PLA2R1: variants seen among roughly 807,000 people sequenced by gnomAD.
PLA2R1 encodes the protein phospholipase A2 receptor 1.
Under a neutral mutation model 195.9 loss-of-function variants are expected in PLA2R1, and 158 were observed. That is an observed-to-expected ratio of 0.81 (90% CI 0.71 to 0.92). The LOEUF is 0.92. Ranked by LOEUF, PLA2R1 falls within the 40% of genes least tolerant of loss-of-function variation. The probability of loss-of-function intolerance (pLI) is 0.00; values close to 1 mark genes in which losing one functional copy is unlikely to be tolerated. For synonymous variants in PLA2R1, 586 were observed against 598.2 expected, an observed-to-expected ratio of 0.98 and a Z score of 0.30; for missense variants, 1,626 against 1,764.6, an observed-to-expected ratio of 0.92 and a Z score of 1.41.
rs753057429 is a variant in PLA2R1 at position 159,941,899 on chromosome 2, TTATGCTTG to T, written c.4263_4270del (p.Tyr1421Ter). The T allele has an allele frequency of 1.2e-6, 2 of 1,613,748 alleles. No individual in the cohort carries two copies. Among genetic ancestry groups the T allele is most frequent in the South Asian group, 2.2e-5 (2 of 91,068 alleles). On this transcript the variant is annotated stop_gained and frameshift_variant, in exon 30 of 30. Transcript: ENST00000283243. LOFTEE classifies it high-confidence loss of function. ...TGCAAGTCTCCTGAAGAAGCCACCG[TTATGCTTG>T]TATATGCAGAAGGAAAGTGTGCAAA...
rs1693674828 is a variant in PLA2R1 at position 160,028,798 on chromosome 2, A to G, written c.955+52T>C. On this transcript the variant is annotated intron_variant, in intron 5 of 29. Transcript: ENST00000283243. The stretch of plus-strand genomic sequence containing the variant: ...ATGTGCATGGGAAATGCTGCTGTGT[A>G]AGGGTGCAAGATGATGCCACGTGAC... 4 of 1,012,668 alleles carry G rather than the reference A, an allele frequency of 3.9e-6. No homozygotes were observed. The East Asian group carries it at 9.5e-5, about 24-fold the overall frequency. 62.7% of individuals were successfully genotyped at this position (1,012,668 alleles called of 1,614,324 possible). A position where few individuals can be genotyped will look rare whatever the true frequency, so the allele number is the denominator to read the frequency against.
intron 10 of PLA2R1, among the ~76,000 whole-genome samples, chr2:160,008,956 C>T (rs866673744): frequency 6.6e-5 from 10 of 152,310 alleles, no homozygotes; most frequent in South Asian, 2.1e-4. Flanking sequence ...AGATGTTCAA[C>T]ATCATCAATC....
intron 21 of PLA2R1, 24 bp downstream of exon 21, chr2:159,956,486 C>T: frequency 8.2e-7 from 1 of 1,213,504 alleles, no homozygotes; most frequent in Non-Finnish European, 1.2e-6. Flanking sequence ...TTATCTTGGC[C>T]TGGTTGGATC....
intron 12 of PLA2R1, among the ~76,000 whole-genome samples, chr2:159,985,020 C>T (rs1318787976): frequency 2.0e-5 from 3 of 152,160 alleles, no homozygotes; most frequent in African/African-American, 7.2e-5. Flanking sequence ...GCTCATAAAT[C>T]CTACCACCAT....
At chr2:159,999,935 T>C (rs867415147) in intron 11 of PLA2R1, among the ~76,000 whole-genome samples, 4 of 152,252 alleles carry the variant, frequency 2.6e-5, no homozygotes, top group Middle Eastern at 3.4e-3. Context: ...AAATGCTGGA[T>C]AAAACATTTT....
chr2:160,012,739 C>G (rs1393332960), intron 10 of PLA2R1, among the ~76,000 whole-genome samples: 2 of 151,978 alleles, frequency 1.3e-5, no homozygotes, highest in Non-Finnish European at 2.9e-5. Flanking sequence ...TGGTGAAACC[C>G]CGTCTCTACT....
At chr2:160,060,047 G>A (rs1046029385) in intron 1 of PLA2R1, among the ~76,000 whole-genome samples, 1 of 152,176 alleles carries the variant, frequency 6.6e-6, no homozygotes, top group Admixed American at 6.5e-5. Context: ...TCCATCATCT[G>A]CCTCCCAAGG....
Position 159,932,285 on chromosome 2 carries a change from C to T in PLA2R1, c.*9493G>A, listed in dbSNP as rs753123968. On this transcript the variant is annotated 3_prime_UTR_variant, in exon 30 of 30. Transcript: ENST00000283243. ...TGTGCAGAGATGGTTTTCTTTTGCA[C>T]CTTTAGGTGTCATCTGGAGTAAAAG... The T allele has an allele frequency of 4.6e-5, 7 of 152,228 alleles. No individual in the cohort carries two copies. Among genetic ancestry groups the T allele is most frequent in the Non-Finnish European group, 5.9e-5 (4 of 68,102 alleles). 9.4% of individuals were successfully genotyped at this position (152,228 alleles called of 1,614,324 possible). A position where few individuals can be genotyped will look rare whatever the true frequency, so the allele number is the denominator to read the frequency against.
intron 9 of PLA2R1, among the ~76,000 whole-genome samples, chr2:160,014,332 A>G (rs987396343): frequency 2.0e-5 from 3 of 151,384 alleles, no homozygotes; most frequent in Non-Finnish European, 4.4e-5. Context: ...AATGACAAAC[A>G]TGTAGGTCTA....
chr2:160,058,680 AGT>A (rs1695741291), intron 1 of PLA2R1, among the ~76,000 whole-genome samples: 1 of 151,984 alleles, frequency 6.6e-6, no homozygotes, highest in Non-Finnish European at 1.5e-5. Context: ...GAGTGAAGTT[AGT>A]GTGTCTTAGC....
intron 6 of PLA2R1, among the ~76,000 whole-genome samples, chr2:160,024,620 C>T (rs1693380182): frequency 6.6e-6 from 1 of 152,200 alleles, no homozygotes; most frequent in African/African-American, 2.4e-5. Context: ...TAAGCTGAAG[C>T]AGCCCCATCT....
intron 20 of PLA2R1, 31 bp from the exon 21 acceptor site, chr2:159,956,658 T>C (rs758323482): frequency 1.3e-5 from 16 of 1,200,258 alleles, no homozygotes; most frequent in East Asian, 2.3e-5. Flanking sequence ...AAAACATTCA[T>C]TTCTGTATCT....
At chr2:160,009,111 T>G (rs1345825782) in intron 10 of PLA2R1, among the ~76,000 whole-genome samples, 1 of 152,222 alleles carries the variant, frequency 6.6e-6, no homozygotes, top group Non-Finnish European at 1.5e-5. Flanking sequence ...CTGGTGGGAA[T>G]GGAAAATGGT....
At chr2:160,005,107 C>T (rs1049080341) in intron 11 of PLA2R1, among the ~76,000 whole-genome samples, 1 of 152,132 alleles carries the variant, frequency 6.6e-6, no homozygotes, top group Non-Finnish European at 1.5e-5. Context: ...TGGTCCTGAG[C>T]GATGAATTTA....
intron 11 of PLA2R1, among the ~76,000 whole-genome samples, chr2:159,994,782 C>G (rs144129033): frequency 2.6e-5 from 4 of 151,624 alleles, no homozygotes; most frequent in African/African-American, 9.7e-5. Context: ...AAACTTAATA[C>G]TAAGTTGAAA....
intron 1 of PLA2R1, among the ~76,000 whole-genome samples, chr2:160,051,862 C>T (rs533484473): frequency 1.3e-5 from 2 of 152,322 alleles, no homozygotes; most frequent in Non-Finnish European, 2.9e-5. Context: ...TGGAAATGTG[C>T]ATTTTATCTG....
intron 6 of PLA2R1, among the ~76,000 whole-genome samples, chr2:160,023,406 A>G (rs1201069252): frequency 2.6e-5 from 4 of 152,210 alleles, no homozygotes; most frequent in Admixed American, 6.5e-5. Context: ...GCTAATTATA[A>G]TGTATTAGCA....
At chr2:159,970,761 A>C (rs1033776014) in intron 17 of PLA2R1, among the ~76,000 whole-genome samples, 26 of 152,188 alleles carry the variant, frequency 1.7e-4, no homozygotes, top group African/African-American at 4.6e-4. Context: ...AGTGTTTGAC[A>C]ACTAGAAAAT....
rs1691996998 is a variant in PLA2R1, at chr2:160,006,521, C to G, written c.1665-700G>C. The stretch of plus-strand genomic sequence containing the variant: ...TGTTCAATGATTGGTGGCAGTGCCC[C>G]CTTTCCAGTATGAATGCATCAAAAG... On this transcript the variant is annotated intron_variant, in intron 10 of 29. Coordinates refer to ENST00000283243, the MANE Select transcript of PLA2R1 (RefSeq NM_007366.5). 1.3e-5 allele frequency among the ~76,000 whole-genome samples: 2 copies of G among 152,198 alleles called. 1 individual carries two copies. The highest frequency in any genetic ancestry group is 1.3e-4 in the Admixed American group (2 of 15,282).
Sources: gnomAD v4.1 joint callset for allele counts (sites outside exome capture counted in the v4.1 genomes callset) on GRCh38, gnomAD v4.1.1 for gene constraint, MANE v1.5 for transcripts, NCBI Gene and HGNC (gene_info 2026-07-23, HGNC 2026-07-21) for gene names.